Variants in R3HDM1 observed in about 807,000 individuals in gnomAD.
R3HDM1 encodes R3H domain containing 1.
A neutral mutation model predicts 141.1 loss-of-function variants in R3HDM1; 46 were observed. The ratio of observed to expected loss-of-function variants is 0.33; its 90% CI spans 0.26 to 0.42. R3HDM1 has a LOEUF of 0.42. Among genes scored for constraint, R3HDM1 ranks in the 10% least tolerant of loss-of-function variants. The pLI is 1.00. For synonymous variants in R3HDM1, 435 were observed against 472.9 expected (o/e 0.92, Z 1.04); for missense variants, 1,184 against 1,368.3 (o/e 0.87, Z 2.12).
intron 1 of R3HDM1, among the ~76,000 whole-genome samples, chr2:135,574,456 G>C (rs1444000951): frequency 6.6e-6 from 1 of 152,168 alleles, no homozygotes; most frequent in Non-Finnish European, 1.5e-5. Flanking sequence ...AATTGTTCCA[G>C]AGCATTGGAA....
At position 135,641,591 on chromosome 2, in the gene R3HDM1, G is replaced by A. The variant is rs2063796597; in HGVS notation, c.1275G>A (p.Gln425=). The A allele has an allele frequency of 1.2e-6, 2 of 1,613,958 alleles. No homozygotes were observed. The highest frequency in any genetic ancestry group is 1.7e-6 in the Non-Finnish European group (2 of 1,179,966). The part of the protein sequence containing the change: ...GSSTGSLSHI[Q]QPLPGTALSQ... Reference sequence around the variant, plus strand: ...CTACAGGCTCTCTTTCTCACATCCAGCAGCCTCTTCCAGGTACAGCTCTCA... The same window carrying A: ...CTACAGGCTCTCTTTCTCACATCCAACAGCCTCTTCCAGGTACAGCTCTCA... The change falls in exon 15 of 27, where the codon CAG becomes CAA. Residue 425 remains glutamine, a synonymous_variant. Coordinates refer to ENST00000683871, the MANE Select transcript of R3HDM1 (RefSeq NM_001378107.1).
At chr2:135,703,150 A>G (rs959622353) in intron 21 of R3HDM1, among the ~76,000 whole-genome samples, 2 of 152,154 alleles carry the variant, frequency 1.3e-5, no homozygotes, top group African/African-American at 2.4e-5. Flanking sequence ...TTAAATATAT[A>G]ATGTAGACTC....
At chr2:135,648,440 C>A (rs1235296891) in intron 16 of R3HDM1, among the ~76,000 whole-genome samples, 1 of 152,064 alleles carries the variant, frequency 6.6e-6, no homozygotes, top group African/African-American at 2.4e-5. Flanking sequence ...ATCTTAATTC[C>A]ATTAGTTTAT....
At chr2:135,584,275 C>A in intron 1 of R3HDM1, 1 of 636,380 alleles carries the variant, frequency 1.6e-6, no homozygotes, top group Non-Finnish European at 2.0e-6. Flanking sequence ...TTGCTGTGAG[C>A]CGAGATTGTG....
chr2:135,578,147 T>A (rs1314485181), intron 1 of R3HDM1, among the ~76,000 whole-genome samples: 2 of 152,164 alleles, frequency 1.3e-5, no homozygotes, highest in Non-Finnish European at 2.9e-5. Flanking sequence ...GAATGATGAA[T>A]AGATGATGGT....
intron 1 of R3HDM1, among the ~76,000 whole-genome samples, chr2:135,594,679 A>G (rs986798385): frequency 5.3e-5 from 8 of 152,166 alleles, no homozygotes; most frequent in African/African-American, 1.9e-4. Flanking sequence ...CATTCCCTTC[A>G]GTATCTTAGG....
intron 20 of R3HDM1, 115 bp from the exon 21 acceptor site, chr2:135,680,058 C>A: frequency 9.1e-7 from 1 of 1,093,930 alleles, no homozygotes; most frequent in Non-Finnish European, 1.3e-6. Context: ...CCAGCCTGGG[C>A]AACAGAGCAA....
chr2:135,604,825 A>G lies in R3HDM1; in HGVS notation c.-21A>G. ...CTTAAGGCTTCAAGCTCCCTGTAGAATTCGAAAATAACCTTTTCTAATGAG... is the reference window on the plus strand; with the variant it reads ...CTTAAGGCTTCAAGCTCCCTGTAGAGTTCGAAAATAACCTTTTCTAATGAG... On this transcript the variant is annotated 5_prime_UTR_variant, in exon 3 of 27. Transcript: ENST00000683871. The G allele has an allele frequency of 6.2e-7, 1 of 1,609,300 alleles. No homozygotes were observed. The highest frequency in any genetic ancestry group is 2.2e-5 in the East Asian group (1 of 44,718).
At chr2:135,631,128 T>C in intron 7 of R3HDM1, among the ~76,000 whole-genome samples, 1 of 152,174 alleles carries the variant, frequency 6.6e-6, no homozygotes, top group East Asian at 1.9e-4. Flanking sequence ...TTCTCTGCCA[T>C]AGTCCCATCT....
chr2:135,702,217 G>GAAAAAAAAAAAAAAA (rs35183953), intron 21 of R3HDM1, among the ~76,000 whole-genome samples: 1 of 120,868 alleles, frequency 8.3e-6, no homozygotes. Context: ...GTCTCAGGGG[G>GAAAAAAAAAAAAAAA]AAAAAAAAAA....
intron 1 of R3HDM1, among the ~76,000 whole-genome samples, chr2:135,574,955 G>C (rs1043941417): frequency 4.6e-5 from 7 of 152,094 alleles, no homozygotes. Context: ...TTATAATGGA[G>C]GTATTAACCA....
At chr2:135,704,108 AT>A (rs1343452649) in intron 21 of R3HDM1, among the ~76,000 whole-genome samples, 1 of 151,966 alleles carries the variant, frequency 6.6e-6, no homozygotes, top group Non-Finnish European at 1.5e-5. Flanking sequence ...AGCCTCCTGA[AT>A]AACTGGGATT....
intron 17 of R3HDM1, 56 bp from the exon 18 acceptor site, chr2:135,651,674 A>T (rs1292198646): frequency 6.6e-7 from 1 of 1,504,252 alleles, no homozygotes; most frequent in East Asian, 2.3e-5. Flanking sequence ...TTTTTCTTTG[A>T]TAAGTTTGGC....
At chr2:135,722,630 G>A (rs1399700250) in intron 26 of R3HDM1, 77 bp downstream of exon 26, 3 of 1,379,696 alleles carry the variant, frequency 2.2e-6, no homozygotes, top group African/African-American at 1.4e-5. Flanking sequence ...CACAGAAATG[G>A]GTTTTCCTCT....
At chr2:135,683,827 G>A (rs1235542125) in intron 21 of R3HDM1, among the ~76,000 whole-genome samples, 1 of 151,994 alleles carries the variant, frequency 6.6e-6, no homozygotes, top group Non-Finnish European at 1.5e-5. Flanking sequence ...AGACTTAGTG[G>A]CTTATATAAA....
intron 1 of R3HDM1, among the ~76,000 whole-genome samples, chr2:135,593,343 T>C (rs1709788891): frequency 6.6e-6 from 1 of 152,190 alleles, no homozygotes; most frequent in African/African-American, 2.4e-5. Context: ...CCCTGGACTA[T>C]GGTAGGTTCA....
chr2:135,592,325 A>G (rs754510867), intron 1 of R3HDM1, among the ~76,000 whole-genome samples: 1 of 152,208 alleles, frequency 6.6e-6, no homozygotes, highest in Non-Finnish European at 1.5e-5. Context: ...ATTACACAAT[A>G]TCTTATTTTC....
chr2:135,537,498 G>A (rs1344338301), intron 1 of R3HDM1, among the ~76,000 whole-genome samples: 3 of 151,208 alleles, frequency 2.0e-5, no homozygotes, highest in African/African-American at 7.3e-5. Flanking sequence ...ATTGGCCAGG[G>A]TGGTCTTGAA....
Position 135,604,828 on chromosome 2 carries a change from C to A in R3HDM1, c.-18C>A. Reference sequence around the variant, plus strand: ...AAGGCTTCAAGCTCCCTGTAGAATTCGAAAATAACCTTTTCTAATGAGGAT... The same window carrying A: ...AAGGCTTCAAGCTCCCTGTAGAATTAGAAAATAACCTTTTCTAATGAGGAT... On this transcript the variant is annotated 5_prime_UTR_variant, in exon 3 of 27. Transcript: ENST00000683871. 1.2e-6 allele frequency: 2 copies of A among 1,608,854 alleles called. No individual in the cohort carries two copies. The highest frequency in any genetic ancestry group is 2.2e-5 in the South Asian group (2 of 90,652).
Sources: gnomAD v4.1 joint callset for allele counts (sites outside exome capture counted in the v4.1 genomes callset) on GRCh38, gnomAD v4.1.1 for gene constraint, MANE v1.5 for transcripts, NCBI Gene and HGNC (gene_info 2026-07-23, HGNC 2026-07-21) for gene names.